The following SOX5 variants were observed in gnomAD, a reference collection of about 807,000 sequenced individuals.
The protein encoded by SOX5 is SRY-box transcription factor 5.
A neutral mutation model predicts 92.0 loss-of-function variants in SOX5; 9 were observed. The observed-to-expected ratio is 0.10, with a 90% confidence interval of 0.06 to 0.17. The LOEUF (loss-of-function observed/expected upper bound fraction) is 0.17, where lower values mean the gene tolerates loss of function less well. SOX5 is among the 10% of genes least tolerant of loss of function. SOX5 has a pLI of 1.00. For missense variants in SOX5, 642 were observed against 944.5 expected (o/e 0.68, Z 4.20); for synonymous variants, 344 against 336.3 (o/e 1.02, Z -0.25).
intron 9 of SOX5, chr12:23,584,436 G>T: frequency 1.2e-6 from 1 of 860,634 alleles, no homozygotes. Context: ...GCCATCTTTA[G>T]ATAACAACCT....
At chr12:24,119,175 C>G (rs142135737) in intron 4 of SOX5, among the ~76,000 whole-genome samples, 200 of 152,210 alleles carry the variant, frequency 1.3e-3, no homozygotes, top group African/African-American at 4.6e-3. Context: ...CTCTCAGGAA[C>G]TATTAGAACA....
At chr12:24,299,230 A>G (rs1444942158) in intron 2 of SOX5, among the ~76,000 whole-genome samples, 2 of 152,134 alleles carry the variant, frequency 1.3e-5, no homozygotes, top group African/African-American at 2.4e-5. Context: ...TTTCTTTTCA[A>G]TGATTGCCCT....
chr12:24,363,716 GAA>G (rs34955714), intron 2 of SOX5, among the ~76,000 whole-genome samples: 2 of 145,348 alleles, frequency 1.4e-5, no homozygotes, highest in Admixed American at 6.8e-5. Context: ...GGAAGCACAT[GAA>G]AAAAAAAAAA....
At chr12:24,354,901 TG>T (rs1233300529) in intron 2 of SOX5, among the ~76,000 whole-genome samples, 3 of 152,128 alleles carry the variant, frequency 2.0e-5, no homozygotes, top group East Asian at 3.9e-4. Context: ...TAAATCAAAC[TG>T]GGGATGAGAG....
intron 1 of SOX5, among the ~76,000 whole-genome samples, chr12:24,505,141 T>C (rs1257310720): frequency 6.6e-6 from 1 of 152,254 alleles, no homozygotes; most frequent in African/African-American, 2.4e-5. Flanking sequence ...AGCCCTATTG[T>C]GCCTAATTTT....
chr12:24,361,632 TGC>T (rs1491015313), intron 2 of SOX5, among the ~76,000 whole-genome samples: 17 of 149,490 alleles, frequency 1.1e-4, no homozygotes, highest in Non-Finnish European at 2.2e-4. Context: ...TGTGTGTGTG[TGC>T]GCATGTGTGT....
intron 1 of SOX5, among the ~76,000 whole-genome samples, chr12:23,921,102 A>C (rs765544939): frequency 1.3e-5 from 2 of 152,228 alleles, no homozygotes; most frequent in Non-Finnish European, 2.9e-5. Flanking sequence ...TTACTGGTAC[A>C]TAATCCACCT....
At chr12:24,457,228 C>T (rs1345290325) in intron 1 of SOX5, among the ~76,000 whole-genome samples, 1 of 152,172 alleles carries the variant, frequency 6.6e-6, no homozygotes, top group Non-Finnish European at 1.5e-5. Context: ...GTGACTAAGA[C>T]TCCAAAAGAG....
chr12:24,090,088 T>C (rs1944462813), intron 4 of SOX5, among the ~76,000 whole-genome samples: 1 of 152,192 alleles, frequency 6.6e-6, no homozygotes. Flanking sequence ...AACAGCATTG[T>C]AACATTTCAT....
intron 4 of SOX5, among the ~76,000 whole-genome samples, chr12:23,751,972 G>C (rs188197747): frequency 3.3e-4 from 50 of 150,610 alleles, no homozygotes; most frequent in Admixed American, 2.9e-3. Flanking sequence ...AGAGAAACTG[G>C]TCTAGAATTT....
intron 4 of SOX5, among the ~76,000 whole-genome samples, chr12:24,003,574 A>G (rs4300482): frequency 0.36 from 55,126 of 151,856 alleles, 10,847 homozygotes; most frequent in East Asian, 0.69. Flanking sequence ...AAAAAGAATA[A>G]AACATTAAGA....
chr12:24,060,393 T>G (rs1498879), intron 4 of SOX5, among the ~76,000 whole-genome samples: 28,562 of 152,186 alleles, frequency 0.19, 3,095 homozygotes, highest in Middle Eastern at 0.32. Flanking sequence ...ACAACTCTCC[T>G]GCAGGTGCAT....
At chr12:23,891,815 T>A (rs1322196227) in intron 2 of SOX5, among the ~76,000 whole-genome samples, 1 of 152,208 alleles carries the variant, frequency 6.6e-6, no homozygotes, top group Non-Finnish European at 1.5e-5. Flanking sequence ...ATAATTTTGA[T>A]ACATGAGTAA....
At chr12:24,428,602 T>G (rs912819513) in intron 1 of SOX5, among the ~76,000 whole-genome samples, 1 of 151,542 alleles carries the variant, frequency 6.6e-6, no homozygotes, top group African/African-American at 2.4e-5. Context: ...TGAGACCCTG[T>G]CTCCATAAGA....
At chr12:23,726,071 T>C (rs150925840) in intron 6 of SOX5, among the ~76,000 whole-genome samples, 1 of 151,778 alleles carries the variant, frequency 6.6e-6, no homozygotes, top group East Asian at 1.9e-4. Flanking sequence ...TATTCACCTG[T>C]TTGGCTCTCT....
At chr12:24,167,731 A>T (rs1953588179) in intron 4 of SOX5, among the ~76,000 whole-genome samples, 2 of 152,266 alleles carry the variant, frequency 1.3e-5, no homozygotes, top group Admixed American at 1.3e-4. Flanking sequence ...GATCTAGTCC[A>T]GCTATTGAGC....
At chr12:24,386,561 A>T (rs1158855201) in intron 1 of SOX5, among the ~76,000 whole-genome samples, 1 of 152,202 alleles carries the variant, frequency 6.6e-6, no homozygotes. Context: ...ATAAAACAAC[A>T]TACATAAATA....
chr12:24,429,478 G>A (rs967486200), intron 1 of SOX5, among the ~76,000 whole-genome samples: 2 of 151,848 alleles, frequency 1.3e-5, no homozygotes, highest in Non-Finnish European at 1.5e-5. Flanking sequence ...AAAATTAATC[G>A]ATTTCAACAT....
chr12:24,294,676 G>A (rs1946996378), intron 2 of SOX5, among the ~76,000 whole-genome samples: 2 of 152,208 alleles, frequency 1.3e-5, no homozygotes, highest in Admixed American at 1.3e-4. Context: ...GGGAAGCAAT[G>A]CTACAACCTT....
Sources: gnomAD v4.1 joint callset for allele counts (sites outside exome capture counted in the v4.1 genomes callset) on GRCh38, gnomAD v4.1.1 for gene constraint, MANE v1.5 for transcripts, NCBI Gene and HGNC (gene_info 2026-07-23, HGNC 2026-07-21) for gene names.